CNTN5: variants seen among roughly 807,000 people sequenced by gnomAD.
The protein encoded by CNTN5 is contactin-5.
CNTN5 carries 77 observed loss-of-function variants against 129.1 expected under a neutral mutation model. That is an observed-to-expected ratio of 0.60 (90% CI 0.50 to 0.72). The LOEUF (loss-of-function observed/expected upper bound fraction) is 0.72. Ranked by LOEUF, CNTN5 falls within the 30% of genes least tolerant of loss-of-function variation. The pLI is 0.00. For synonymous variants in CNTN5, 509 were observed against 465.6 expected (o/e 1.09, Z -1.20); for missense variants, 1,478 against 1,328.8 (o/e 1.11, Z -1.75).
chr11:99,711,638 C>G (rs539377301), intron 3 of CNTN5, among the ~76,000 whole-genome samples: 26 of 152,038 alleles, frequency 1.7e-4, no homozygotes, highest in African/African-American at 4.8e-4. Context: ...CCTAGCCCCC[C>G]ACCCCTTGAC....
At chr11:100,021,674 A>G (rs1941158071) in intron 9 of CNTN5, among the ~76,000 whole-genome samples, 2 of 152,178 alleles carry the variant, frequency 1.3e-5, no homozygotes, top group African/African-American at 4.8e-5. Context: ...GTATGTATAT[A>G]TGAAAGAGTG....
At chr11:100,067,475 G>A (rs1331480223) in intron 10 of CNTN5, among the ~76,000 whole-genome samples, 1 of 111,026 alleles carries the variant, frequency 9.0e-6, no homozygotes, top group Admixed American at 9.4e-5. Flanking sequence ...GCCATTTCAG[G>A]ATTTTTTTTT....
At chr11:99,109,521 C>A (rs1044792723) in intron 1 of CNTN5, among the ~76,000 whole-genome samples, 1 of 152,118 alleles carries the variant, frequency 6.6e-6, no homozygotes, top group African/African-American at 2.4e-5. Flanking sequence ...GCAACTGCCT[C>A]TTTAAACCAG....
At chr11:99,590,647 C>G (rs951068859) in intron 3 of CNTN5, among the ~76,000 whole-genome samples, 2 of 152,218 alleles carry the variant, frequency 1.3e-5, no homozygotes, top group Non-Finnish European at 1.5e-5. Flanking sequence ...CAAGAACATT[C>G]CAGACAAAGG....
At chr11:99,484,947 T>G (rs7123538) in intron 2 of CNTN5, among the ~76,000 whole-genome samples, 30,091 of 151,988 alleles carry the variant, frequency 0.2, 3,142 homozygotes, top group Admixed American at 0.24. Context: ...AGAGATTTGT[T>G]AAAGGATACA....
At chr11:99,420,150 G>A (rs915967650) in intron 2 of CNTN5, among the ~76,000 whole-genome samples, 5 of 152,086 alleles carry the variant, frequency 3.3e-5, no homozygotes, top group East Asian at 3.9e-4. Flanking sequence ...CTGCAGAACC[G>A]TGACTCCATT....
At chr11:99,188,982 T>C (rs778530293) in intron 1 of CNTN5, among the ~76,000 whole-genome samples, 5 of 151,696 alleles carry the variant, frequency 3.3e-5, no homozygotes, top group Non-Finnish European at 5.9e-5. Context: ...TTTCGAACTT[T>C]GAACATTTCC....
intron 2 of CNTN5, among the ~76,000 whole-genome samples, chr11:99,396,436 A>G (rs1040406906): frequency 1.3e-5 from 2 of 151,624 alleles, no homozygotes; most frequent in Admixed American, 6.6e-5. Flanking sequence ...TATGTTATTT[A>G]TAGTTGTGGT....
chr11:99,890,355 A>G (rs754878377), intron 6 of CNTN5, among the ~76,000 whole-genome samples: 8 of 152,126 alleles, frequency 5.3e-5, no homozygotes, highest in Non-Finnish European at 1.0e-4. Flanking sequence ...ATCTCAGTAT[A>G]TAAAGAAATA....
At chr11:100,080,354 T>C (rs927768139) in intron 13 of CNTN5, among the ~76,000 whole-genome samples, 3 of 152,144 alleles carry the variant, frequency 2.0e-5, no homozygotes, top group African/African-American at 4.8e-5. Flanking sequence ...AAATCTGACA[T>C]AATGGCCCCC....
intron 3 of CNTN5, among the ~76,000 whole-genome samples, chr11:99,809,845 A>G (rs1172977451): frequency 2.0e-5 from 3 of 152,184 alleles, no homozygotes; most frequent in Non-Finnish European, 4.4e-5. Flanking sequence ...CACACAGAGA[A>G]TAGGAAAGTA....
intron 1 of CNTN5, among the ~76,000 whole-genome samples, chr11:99,236,145 C>T (rs946400727): frequency 2.0e-5 from 3 of 152,094 alleles, no homozygotes; most frequent in Non-Finnish European, 2.9e-5. Context: ...AAGCATTGTG[C>T]AATAATATTT....
Position 99,671,960 on chromosome 11 carries a change from C to T in CNTN5, c.55+115691C>T, listed in dbSNP as rs569202187. 4.6e-5 allele frequency among the ~76,000 whole-genome samples: 7 copies of T among 152,228 alleles called. No homozygotes were observed. In the South Asian group the frequency reaches 8.3e-4, roughly 18 times the overall value. Reference sequence around the variant, plus strand: ...AGGACTTTCAATCGTTGCAGGTGTGCGTGTGAAAAATGTTACTTTCCTTGT... The same window carrying T: ...AGGACTTTCAATCGTTGCAGGTGTGTGTGTGAAAAATGTTACTTTCCTTGT... On this transcript the variant is annotated intron_variant, in intron 3 of 24. Coordinates refer to ENST00000524871, the MANE Select transcript of CNTN5 (RefSeq NM_014361.4).
At chr11:99,429,464 AC>A in intron 2 of CNTN5, among the ~76,000 whole-genome samples, 1 of 152,164 alleles carries the variant, frequency 6.6e-6, no homozygotes, top group Non-Finnish European at 1.5e-5. Context: ...TACTAAAGGA[AC>A]AATTCTTAGG....
At chr11:99,952,550 G>A (rs984173729) in intron 7 of CNTN5, among the ~76,000 whole-genome samples, 1 of 151,478 alleles carries the variant, frequency 6.6e-6, no homozygotes, top group Non-Finnish European at 1.5e-5. Context: ...TTATTTTTTT[G>A]ATTTGGGGTC....
At position 100,288,703 on chromosome 11, in the gene CNTN5, A is replaced by T. The variant is rs1451197739; in HGVS notation, c.2315-8922A>T. On this transcript the variant is annotated intron_variant, in intron 18 of 24. Transcript: ENST00000524871. Reference sequence around the variant, plus strand: ...CTAACATCACAATTAAAAGAACTAGAAAAGCAAGAGCAAACACATTCAAAA... The same window carrying T: ...CTAACATCACAATTAAAAGAACTAGTAAAGCAAGAGCAAACACATTCAAAA... Among the ~76,000 whole-genome samples the T allele has an allele frequency of 4.7e-3, 712 of 151,738 alleles. 8 individuals are homozygous for T. Among genetic ancestry groups the T allele is most frequent in the African/African-American group, 0.016 (669 of 41,356 alleles).
intron 7 of CNTN5, among the ~76,000 whole-genome samples, chr11:99,927,579 T>G (rs916652576): frequency 6.6e-6 from 1 of 151,996 alleles, no homozygotes; most frequent in African/African-American, 2.4e-5. Context: ...CAAGAAGAAT[T>G]GCCAAGCAAA....
chr11:99,497,425 A>G (rs1428145906), intron 2 of CNTN5, among the ~76,000 whole-genome samples: 1 of 152,174 alleles, frequency 6.6e-6, no homozygotes, highest in African/African-American at 2.4e-5. Context: ...TGAAGCCACA[A>G]AAAAGCTAGT....
At chr11:99,126,243 C>T (rs2135420719) in intron 1 of CNTN5, among the ~76,000 whole-genome samples, 1 of 152,270 alleles carries the variant, frequency 6.6e-6, no homozygotes, top group South Asian at 2.1e-4. Context: ...AGTATTCTTA[C>T]TGTTCAGGCG....
Sources: gnomAD v4.1 joint callset for allele counts (sites outside exome capture counted in the v4.1 genomes callset) on GRCh38, gnomAD v4.1.1 for gene constraint, MANE v1.5 for transcripts, NCBI Gene and HGNC (gene_info 2026-07-23, HGNC 2026-07-21) for gene names.